Variants in NPNT observed in about 807,000 individuals in gnomAD.
NPNT encodes nephronectin.
Under a neutral mutation model 68.6 loss-of-function variants are expected in NPNT, and 45 were observed. The observed-to-expected ratio is 0.66, with a 90% CI of 0.52 to 0.84. NPNT has a LOEUF of 0.84. Among genes scored for constraint, NPNT ranks in the 40% least tolerant of loss-of-function variants. NPNT has a pLI of 0.00. For synonymous variants in NPNT, 233 were observed against 253.3 expected (o/e 0.92, Z 0.76); for missense variants, 672 against 714.8 (o/e 0.94, Z 0.68).
chr4:105,928,136 G>A (rs1056609532), intron 3 of NPNT, among the ~76,000 whole-genome samples: 1 of 152,084 alleles, frequency 6.6e-6, no homozygotes, highest in Admixed American at 6.6e-5. Flanking sequence ...AATATTAAGT[G>A]TCTTGCTCAG....
intron 10 of NPNT, among the ~76,000 whole-genome samples, chr4:105,965,082 A>C (rs562136822): frequency 6.6e-6 from 1 of 152,246 alleles, no homozygotes; most frequent in Non-Finnish European, 1.5e-5. Context: ...CAACCACTAC[A>C]GAATTAAAAA....
At chr4:105,926,909 T>A (rs1218673845) in intron 2 of NPNT, among the ~76,000 whole-genome samples, 1 of 152,188 alleles carries the variant, frequency 6.6e-6, no homozygotes, top group Non-Finnish European at 1.5e-5. Context: ...ATATTTTATG[T>A]TTAGTTAGAA....
Position 105,968,919 on chromosome 4 carries a change from C to A in NPNT, c.1627C>A (p.Arg543Ser). 6.2e-7 allele frequency: 1 copy of A among 1,612,292 alleles called. No individual in the cohort carries two copies. The highest frequency in any genetic ancestry group is 8.5e-7 in the Non-Finnish European group (1 of 1,178,618). ...GGTCGTCTTCAAAGGTGAAAAAAGG[C>A]GTGGTCACACTGGGGAGATTGGATT... ...KSVVFKGEKR[R>S]GHTGEIGLDD... is the part of the protein sequence containing the mutation. The change falls in exon 12 of 12, where the codon CGT becomes AGT. Residue 543 changes from arginine to serine, a missense_variant. Transcript: ENST00000379987.
intron 8 of NPNT, among the ~76,000 whole-genome samples, chr4:105,945,744 C>T (rs986082221): frequency 2.2e-4 from 34 of 152,254 alleles, no homozygotes; most frequent in African/African-American, 8.2e-4. Context: ...TTTAGAAAAT[C>T]AGTAAGGTAC....
intron 2 of NPNT, among the ~76,000 whole-genome samples, chr4:105,905,546 C>G (rs1726821466): frequency 6.6e-6 from 1 of 151,968 alleles, no homozygotes; most frequent in Non-Finnish European, 1.5e-5. Flanking sequence ...TCATGTAACA[C>G]TACGTTTTGG....
chr4:105,926,757 A>C (rs940525032), intron 2 of NPNT, among the ~76,000 whole-genome samples: 1 of 152,208 alleles, frequency 6.6e-6, no homozygotes, highest in African/African-American at 2.4e-5. Flanking sequence ...ATAGATTGAA[A>C]AGCAGTTGTA....
At chr4:105,966,413 G>A (rs1035479875) in intron 10 of NPNT, among the ~76,000 whole-genome samples, 5 of 152,048 alleles carry the variant, frequency 3.3e-5, no homozygotes, top group Non-Finnish European at 5.9e-5. Flanking sequence ...CATCAAAGTG[G>A]TCTATCTAAA....
In NPNT at chr4:105,963,823, A is replaced by G. The variant is rs535551095; in HGVS notation, c.1346-3365A>G. 4.7e-4 allele frequency among the ~76,000 whole-genome samples: 72 copies of G among 151,588 alleles called. 1 individual carries two copies. Among genetic ancestry groups the G allele is most frequent in the Non-Finnish European group, 1.9e-4 (13 of 67,950 alleles). On this transcript the variant is annotated intron_variant, in intron 10 of 11. Coordinates refer to ENST00000379987, the MANE Select transcript of NPNT (RefSeq NM_001033047.3). The stretch of plus-strand genomic sequence containing the variant: ...ATTAAAACATTATTTTAAAATACAC[A>G]TAAATGTAAAATAAATCAACAATAT...
At chr4:105,960,231 A>G (rs771783670) in intron 10 of NPNT, among the ~76,000 whole-genome samples, 1 of 152,208 alleles carries the variant, frequency 6.6e-6, no homozygotes, top group South Asian at 2.1e-4. Flanking sequence ...GTGAAGGAAA[A>G]GCTTGTTATT....
chr4:105,964,726 A>G (rs1731985766), intron 10 of NPNT, among the ~76,000 whole-genome samples: 3 of 152,160 alleles, frequency 2.0e-5, no homozygotes, highest in African/African-American at 4.8e-5. Flanking sequence ...CTATACAAAA[A>G]GAAAAATTAT....
At chr4:105,943,391 A>G (rs1178414361) in intron 8 of NPNT, among the ~76,000 whole-genome samples, 1 of 152,206 alleles carries the variant, frequency 6.6e-6, no homozygotes, top group African/African-American at 2.4e-5. Context: ...GTAGACTGCC[A>G]GTAAATTGGA....
intron 2 of NPNT, among the ~76,000 whole-genome samples, chr4:105,903,262 T>C (rs1726572676): frequency 1.3e-5 from 2 of 152,234 alleles, no homozygotes; most frequent in African/African-American, 4.8e-5. Flanking sequence ...ACAGAATTCA[T>C]GTTCTTTGCA....
chr4:105,922,437 G>C (rs1728328535), intron 2 of NPNT, among the ~76,000 whole-genome samples: 1 of 150,422 alleles, frequency 6.6e-6, no homozygotes, highest in Admixed American at 6.6e-5. Context: ...GCCCAAGCTG[G>C]AGTGCAGTGG....
chr4:105,897,607 G>T (rs556150319), intron 1 of NPNT, among the ~76,000 whole-genome samples: 1 of 152,296 alleles, frequency 6.6e-6, no homozygotes, highest in South Asian at 2.1e-4. Context: ...GCAGCCTTGA[G>T]AATTGTTGGT....
chr4:105,914,493 AATG>A lies in NPNT; in HGVS notation c.173-12842_173-12840del, dbSNP rs1260841285. The stretch of plus-strand genomic sequence containing the variant: ...ATATTATATATATAGAGAGAGAGAT[AATG>A]GAGAGAGAGAGCCAGCTATTACCTG... On this transcript the variant is annotated intron_variant, in intron 2 of 11. Transcript: ENST00000379987. Among the ~76,000 whole-genome samples, 299 of 141,974 alleles carry A rather than the reference AATG, an allele frequency of 2.1e-3. 1 individual carries two copies. The highest frequency in any genetic ancestry group is 7.5e-3 in the African/African-American group (286 of 38,336). 93.1% of individuals were successfully genotyped at this position (141,974 alleles called of 152,430 possible). A position where few individuals can be genotyped will look rare whatever the true frequency, so the allele number is the denominator to read the frequency against.
intron 10 of NPNT, 80 bp from the exon 11 acceptor site, chr4:105,967,108 A>T (rs573224457): frequency 7.0e-7 from 1 of 1,422,584 alleles, no homozygotes; most frequent in Non-Finnish European, 9.6e-7. Flanking sequence ...AAAAAAAAAA[A>T]AACTAAAACT....
At position 105,940,206 on chromosome 4, in the gene NPNT, C is replaced by G. The variant is rs1403046165; in HGVS notation, c.637C>G (p.His213Asp). ...LMYIGGKYQCHDIDECSLGQY... is the reference protein window; with the variant it reads ...LMYIGGKYQCDDIDECSLGQY... ...GTATATTGGAGGCAAATATCAATGT[C>G]ATGGTAATGAAACCCAACCATTGCT... Residue 213 changes from histidine (H) to aspartate (D), a missense_variant, in exon 6 of 12, where the codon CAT (histidine) becomes GAT (aspartate). Coordinates refer to ENST00000379987, the MANE Select transcript of NPNT (RefSeq NM_001033047.3). 6.2e-7 allele frequency: 1 copy of G among 1,613,074 alleles called. No homozygotes were observed. Among genetic ancestry groups the G allele is most frequent in the Admixed American group, 1.7e-5 (1 of 59,992 alleles).
At chr4:105,900,721 T>G (rs1469539424) in intron 2 of NPNT, among the ~76,000 whole-genome samples, 1 of 152,120 alleles carries the variant, frequency 6.6e-6, no homozygotes, top group African/African-American at 2.4e-5. Flanking sequence ...GCTTCCTGCC[T>G]GTACCACCCA....
At chr4:105,958,016 T>G (rs1731375417) in intron 8 of NPNT, among the ~76,000 whole-genome samples, 1 of 152,096 alleles carries the variant, frequency 6.6e-6, no homozygotes, top group Non-Finnish European at 1.5e-5. Context: ...TGTGCGGAGT[T>G]CACTGGGGGT....
Sources: allele counts gnomAD v4.1 joint callset (sites outside exome capture counted in the v4.1 genomes callset), GRCh38; gene constraint gnomAD v4.1.1; transcripts MANE v1.5; gene names NCBI Gene and HGNC (gene_info 2026-07-23, HGNC 2026-07-21).